Variants in NLGN1 observed in about 807,000 individuals in gnomAD.
The protein encoded by NLGN1 is neuroligin-1.
In NLGN1, 12 loss-of-function variants were observed where a neutral mutation model predicts 65.5. That is an observed-to-expected ratio of 0.18 (90% confidence interval 0.12 to 0.30). The LOEUF is 0.30. NLGN1 is among the 10% of genes least tolerant of loss of function. NLGN1 has a pLI of 1.00. For synonymous variants in NLGN1, 350 were observed against 359.5 expected (o/e 0.97, Z 0.30); for missense variants, 750 against 1,007.1 (o/e 0.74, Z 3.46).
chr3:173,649,351 C>A (rs1177993448), intron 3 of NLGN1, among the ~76,000 whole-genome samples: 1 of 151,936 alleles, frequency 6.6e-6, no homozygotes, highest in African/African-American at 2.4e-5. Context: ...TTACATGTTA[C>A]AAGTTACATT....
intron 4 of NLGN1, among the ~76,000 whole-genome samples, chr3:174,140,511 C>T (rs1482645967): frequency 1.3e-5 from 2 of 152,074 alleles, no homozygotes; most frequent in Admixed American, 6.6e-5. Flanking sequence ...TTATTTTCAT[C>T]CCCATTTTAT....
intron 4 of NLGN1, among the ~76,000 whole-genome samples, chr3:174,102,229 C>T (rs1202455491): frequency 6.6e-6 from 1 of 151,820 alleles, no homozygotes; most frequent in African/African-American, 2.4e-5. Context: ...TTTTTTTCTC[C>T]CTCTCTTGGT....
At chr3:173,621,729 G>A (rs1754022878) in intron 3 of NLGN1, among the ~76,000 whole-genome samples, 1 of 152,056 alleles carries the variant, frequency 6.6e-6, no homozygotes, top group Admixed American at 6.6e-5. Flanking sequence ...CTGCATATGG[G>A]GGTGGACAGT....
At chr3:173,887,436 C>A (rs995649010) in intron 4 of NLGN1, among the ~76,000 whole-genome samples, 2 of 151,820 alleles carry the variant, frequency 1.3e-5, no homozygotes, top group African/African-American at 4.8e-5. Context: ...AAAACAAATG[C>A]TTGGTGAATT....
In NLGN1 at chr3:173,417,863, C is replaced by T. The variant is rs776076876; in HGVS notation, c.-389-17147C>T. Among the ~76,000 whole-genome samples, 10 of 151,818 alleles carry T rather than the reference C, an allele frequency of 6.6e-5. No homozygotes were observed. The South Asian group carries it at 8.3e-4, about 13-fold the overall frequency. ...ACTAAACTTTTATGTAAACTTTCTG[C>T]CTCCCTATTCTTCTCAGACTAAGTT... On this transcript the variant is annotated intron_variant, in intron 1 of 6. Coordinates refer to ENST00000457714, the Ensembl canonical transcript of NLGN1.
At chr3:173,417,521 T>C (rs1233933825) in intron 1 of NLGN1, among the ~76,000 whole-genome samples, 1 of 151,944 alleles carries the variant, frequency 6.6e-6, no homozygotes, top group Non-Finnish European at 1.5e-5. Flanking sequence ...TAGCAATTCA[T>C]ATTTTGCTAT....
At chr3:173,856,251 A>G (rs1727944989) in intron 4 of NLGN1, among the ~76,000 whole-genome samples, 1 of 139,058 alleles carries the variant, frequency 7.2e-6, no homozygotes. Context: ...GTAGTAATAG[A>G]AATATTGCTA....
chr3:174,105,196 G>GA (rs145773211), intron 4 of NLGN1, among the ~76,000 whole-genome samples: 223 of 152,214 alleles, frequency 1.5e-3, no homozygotes, highest in African/African-American at 5.2e-3. Context: ...GACTGGATAT[G>GA]AAAGTTGCAA....
chr3:174,198,844 C>CTTTTTTTT (rs56752477), intron 4 of NLGN1, among the ~76,000 whole-genome samples: 33 of 99,888 alleles, frequency 3.3e-4, no homozygotes, highest in Non-Finnish European at 3.9e-4. Context: ...TGACTAGATT[C>CTTTTTTTT]TTTTTTTTTT....
chr3:173,597,561 TG>T (rs2149421716), intron 2 of NLGN1, among the ~76,000 whole-genome samples: 1 of 152,254 alleles, frequency 6.6e-6, no homozygotes, highest in Non-Finnish European at 1.5e-5. Flanking sequence ...CCCACACCTT[TG>T]TATCTAGTCT....
chr3:174,008,363 C>G (rs142110245), intron 4 of NLGN1, among the ~76,000 whole-genome samples: 1 of 133,650 alleles, frequency 7.5e-6, no homozygotes, highest in African/African-American at 2.7e-5. Flanking sequence ...CCCCACCCCC[C>G]GCCCACGGAG....
chr3:174,009,680 A>G (rs1725140710), intron 4 of NLGN1, among the ~76,000 whole-genome samples: 1 of 152,162 alleles, frequency 6.6e-6, no homozygotes, highest in South Asian at 2.1e-4. Flanking sequence ...TGGCGGTAGA[A>G]TTTCTAAGTA....
chr3:173,727,845 A>G (rs1215150635), intron 3 of NLGN1, among the ~76,000 whole-genome samples: 1 of 152,174 alleles, frequency 6.6e-6, no homozygotes, highest in African/African-American at 2.4e-5. Context: ...GCAATCAAAA[A>G]GAAGTACAGG....
At chr3:174,261,089 C>T (rs1746802304) in intron 4 of NLGN1, among the ~76,000 whole-genome samples, 1 of 152,142 alleles carries the variant, frequency 6.6e-6, no homozygotes, top group African/African-American at 2.4e-5. Flanking sequence ...TTACTGTAGC[C>T]TTGTAGTACA....
At chr3:173,585,396 C>G (rs902699407) in intron 2 of NLGN1, among the ~76,000 whole-genome samples, 1 of 152,102 alleles carries the variant, frequency 6.6e-6, no homozygotes, top group Non-Finnish European at 1.5e-5. Context: ...ATCGCTGGTG[C>G]TTCGGCCGCC....
intron 4 of NLGN1, among the ~76,000 whole-genome samples, chr3:173,878,646 ATG>A (rs1319038826): frequency 1.2e-4 from 18 of 149,002 alleles, no homozygotes; most frequent in Non-Finnish European, 2.4e-4. Flanking sequence ...ATACTTATAT[ATG>A]TGTATATATA....
intron 2 of NLGN1, among the ~76,000 whole-genome samples, chr3:173,541,609 TAGTA>T (rs1375174171): frequency 2.0e-5 from 3 of 152,132 alleles, no homozygotes; most frequent in African/African-American, 7.2e-5. Context: ...GGGATTAACT[TAGTA>T]AGAAAGGAAA....
intron 3 of NLGN1, among the ~76,000 whole-genome samples, chr3:173,622,413 C>A (rs1045821067): frequency 6.6e-6 from 1 of 151,964 alleles, no homozygotes; most frequent in Non-Finnish European, 1.5e-5. Context: ...ATTAAAACCA[C>A]ATAAACCTCA....
intron 4 of NLGN1, among the ~76,000 whole-genome samples, chr3:173,870,478 C>T (rs4621354): frequency 0.21 from 31,564 of 151,940 alleles, 3,680 homozygotes; most frequent in East Asian, 0.35. Context: ...ACAAATTTAT[C>T]GCCAAATTTA....
Sources: gnomAD v4.1 joint callset for allele counts (sites outside exome capture counted in the v4.1 genomes callset) on GRCh38, gnomAD v4.1.1 for gene constraint, MANE v1.5 for transcripts, NCBI Gene and HGNC (gene_info 2026-07-23, HGNC 2026-07-21) for gene names.